The following LIMS1 variants were observed in gnomAD, a reference collection of about 807,000 sequenced individuals.
The protein encoded by LIMS1 is LIM zinc finger domain containing 1, also known as LIM and senescent cell antigen-like-containing domain protein 1.
LIMS1 carries 18 observed loss-of-function variants against 44.1 expected under a neutral mutation model. That is an observed-to-expected ratio of 0.41 (90% CI 0.28 to 0.61). The LOEUF is 0.61. Among genes scored for constraint, LIMS1 ranks in the 20% least tolerant of loss-of-function variants. The pLI is 0.32. For synonymous variants in LIMS1, 93 were observed against 149.1 expected (o/e 0.62, Z 2.74); for missense variants, 201 against 422.0 (o/e 0.48, Z 4.59).
At chr2:108,661,041 G>A (rs931502829) in intron 2 of LIMS1, among the ~76,000 whole-genome samples, 1 of 137,780 alleles carries the variant, frequency 7.3e-6, no homozygotes, top group Non-Finnish European at 1.5e-5. Flanking sequence ...TCATTGGTAA[G>A]TCCATTGTAT....
intron 1 of LIMS1, among the ~76,000 whole-genome samples, chr2:108,546,967 G>A (rs376487102): frequency 2.6e-5 from 4 of 152,084 alleles, no homozygotes; most frequent in Non-Finnish European, 4.4e-5. Flanking sequence ...AGTCTGTTAC[G>A]GAAAAAATGA....
chr2:108,558,512 T>G (rs1256505286), intron 1 of LIMS1, among the ~76,000 whole-genome samples: 1 of 151,432 alleles, frequency 6.6e-6, no homozygotes, highest in African/African-American at 2.4e-5. Context: ...CCGGGACGAT[T>G]TGTGCGTTTT....
intron 1 of LIMS1, among the ~76,000 whole-genome samples, chr2:108,633,646 T>C (rs1309424177): frequency 6.6e-6 from 1 of 152,214 alleles, no homozygotes; most frequent in Non-Finnish European, 1.5e-5. Context: ...TGTTCTGTCT[T>C]ATGCTTTACT....
chr2:108,603,241 C>G (rs915677311), intron 1 of LIMS1, among the ~76,000 whole-genome samples: 1 of 152,112 alleles, frequency 6.6e-6, no homozygotes, highest in Non-Finnish European at 1.5e-5. Flanking sequence ...TGGTATAATT[C>G]AGCAGTGAAG....
chr2:108,643,554 TG>T (rs70956266), intron 1 of LIMS1, among the ~76,000 whole-genome samples: 50,685 of 151,744 alleles, frequency 0.33, 9,152 homozygotes, highest in Middle Eastern at 0.51. Flanking sequence ...AGCACAAAAC[TG>T]GGCGGCCTTT....
At chr2:108,550,762 G>A (rs1684658345) in intron 1 of LIMS1, among the ~76,000 whole-genome samples, 1 of 151,522 alleles carries the variant, frequency 6.6e-6, no homozygotes, top group Non-Finnish European at 1.5e-5. Context: ...CTTGAAGTGA[G>A]CTGAGATTGT....
intron 1 of LIMS1, among the ~76,000 whole-genome samples, chr2:108,563,510 TGTG>T (rs146952911): frequency 0.05 from 7,634 of 152,226 alleles, 266 homozygotes; most frequent in South Asian, 0.15. Context: ...TAACTGCAGA[TGTG>T]GTGGAAATCA....
intron 6 of LIMS1, among the ~76,000 whole-genome samples, 199 bp from the exon 7 acceptor site, chr2:108,676,407 A>G (rs1271180126): frequency 4.8e-4 from 73 of 152,304 alleles, no homozygotes; most frequent in African/African-American, 1.6e-3. Flanking sequence ...ATAATAGGCT[A>G]TGTCTTAAAG....
At chr2:108,643,746 C>G (rs184164975) in intron 1 of LIMS1, among the ~76,000 whole-genome samples, 11 of 152,322 alleles carry the variant, frequency 7.2e-5, no homozygotes, top group Admixed American at 6.5e-5. Flanking sequence ...CCCACGGAGC[C>G]AAACAAGCTA....
intron 1 of LIMS1, among the ~76,000 whole-genome samples, chr2:108,570,260 A>G (rs796118654): frequency 9.2e-5 from 14 of 152,148 alleles, no homozygotes; most frequent in African/African-American, 3.4e-4. Flanking sequence ...GTGAAACCCC[A>G]TCTCTATTAA....
chr2:108,607,111 T>C (rs543896255), intron 1 of LIMS1: 1 of 908,390 alleles, frequency 1.1e-6, no homozygotes, highest in South Asian at 1.6e-5. Context: ...ATGAGATTAC[T>C]GCCCTTATAA....
chr2:108,646,543 C>T (rs972215714), intron 1 of LIMS1, among the ~76,000 whole-genome samples: 2 of 152,016 alleles, frequency 1.3e-5, no homozygotes, highest in Admixed American at 6.5e-5. Flanking sequence ...GATCTAAAAT[C>T]GACACCCTAA....
intron 1 of LIMS1, among the ~76,000 whole-genome samples, chr2:108,571,420 G>A (rs1480695297): frequency 6.6e-6 from 1 of 152,210 alleles, no homozygotes; most frequent in East Asian, 1.9e-4. Context: ...AACAGTGATC[G>A]TGGATGTTTT....
chr2:108,624,762 A>G (rs985157337), intron 1 of LIMS1, among the ~76,000 whole-genome samples: 10 of 148,112 alleles, frequency 6.8e-5, no homozygotes, highest in Non-Finnish European at 1.3e-4. Flanking sequence ...GTCTCTAAAT[A>G]AATAAATAAA....
intron 1 of LIMS1, among the ~76,000 whole-genome samples, chr2:108,552,167 T>C (rs1684767503): frequency 6.9e-6 from 1 of 145,308 alleles, no homozygotes; most frequent in African/African-American, 2.5e-5. Flanking sequence ...AATATATAAA[T>C]ATAAAATATA....
chr2:108,536,106 A>G (rs1159253912), intron 1 of LIMS1, among the ~76,000 whole-genome samples: 1 of 152,212 alleles, frequency 6.6e-6, no homozygotes, highest in Non-Finnish European at 1.5e-5. Context: ...AATAAAGGAG[A>G]TAATAGTTTC....
At chr2:108,646,779 C>T (rs917672325) in intron 1 of LIMS1, among the ~76,000 whole-genome samples, 5 of 152,130 alleles carry the variant, frequency 3.3e-5, no homozygotes, top group Admixed American at 2.0e-4. Flanking sequence ...GATCTCGGCT[C>T]ACTGCAAGCT....
chr2:108,602,931 A>G (rs1269633402), intron 1 of LIMS1, among the ~76,000 whole-genome samples: 1 of 151,674 alleles, frequency 6.6e-6, no homozygotes, highest in African/African-American at 2.4e-5. Flanking sequence ...ATGCCTGGCT[A>G]ATTTTTTGTA....
intron 2 of LIMS1, among the ~76,000 whole-genome samples, chr2:108,670,265 G>A (rs1342080141): frequency 2.6e-5 from 4 of 152,114 alleles, no homozygotes; most frequent in African/African-American, 7.2e-5. Flanking sequence ...TAGGAGGATT[G>A]CTTTGGGCCA....
Sources: gnomAD v4.1 joint callset for allele counts (sites outside exome capture counted in the v4.1 genomes callset) on GRCh38, gnomAD v4.1.1 for gene constraint, MANE v1.5 for transcripts, NCBI Gene and HGNC (gene_info 2026-07-23, HGNC 2026-07-21) for gene names.